Variants in HSD17B4 observed in about 807,000 individuals in gnomAD.
HSD17B4 encodes the protein peroxisomal multifunctional enzyme type 2.
Under a neutral mutation model 101.0 loss-of-function variants are expected in HSD17B4, and 70 were observed. The observed-to-expected ratio is 0.69, with a 90% CI of 0.57 to 0.85. The LOEUF (loss-of-function observed/expected upper bound fraction) is 0.85, where lower values mean the gene tolerates loss of function less well. Ranked by LOEUF, HSD17B4 falls within the 40% of genes least tolerant of loss-of-function variation. The pLI is 0.00. For missense variants in HSD17B4, 984 were observed against 892.4 expected (o/e 1.10, Z -1.31); for synonymous variants, 347 against 297.1 (o/e 1.17, Z -1.73).
At chr5:119,495,128 T>A (rs1750512464) in intron 11 of HSD17B4, among the ~76,000 whole-genome samples, 1 of 152,096 alleles carries the variant, frequency 6.6e-6, no homozygotes, top group Non-Finnish European at 1.5e-5. Context: ...GATGATAACA[T>A]GATTGTTATG....
chr5:119,526,952 G>A (rs1479385264), intron 19 of HSD17B4, among the ~76,000 whole-genome samples, 181 bp from the exon 20 acceptor site: 1 of 151,686 alleles, frequency 6.6e-6, no homozygotes, highest in Non-Finnish European at 1.5e-5. Context: ...ACTTATATTA[G>A]TTACATCTTT....
Position 119,539,463 on chromosome 5 carries a change from T to C in HSD17B4, c.2122-2442T>C, listed in dbSNP as rs1292008184. Reference sequence around the variant, plus strand: ...TGGGGGAGGGGGGGAGGGATAGCATTAGGAGATATACCTAATGCTAAATGA... The same window carrying C: ...TGGGGGAGGGGGGGAGGGATAGCATCAGGAGATATACCTAATGCTAAATGA... On this transcript the variant is annotated intron_variant, in intron 23 of 23. Coordinates refer to ENST00000510025, the MANE Select transcript of HSD17B4 (RefSeq NM_000414.4). 2.6e-5 allele frequency among the ~76,000 whole-genome samples: 4 copies of C among 151,236 alleles called. No individual in the cohort carries two copies. In the East Asian group the frequency reaches 5.9e-4, roughly 22 times the overall value.
At chr5:119,456,129 G>A (rs1165240985) in intron 1 of HSD17B4, among the ~76,000 whole-genome samples, 186 bp from the exon 2 acceptor site, 1 of 152,140 alleles carries the variant, frequency 6.6e-6, no homozygotes, top group East Asian at 1.9e-4. Context: ...ACAGTTTTAA[G>A]CTTTCCAGCC....
chr5:119,461,984 A>G (rs1163921647), intron 2 of HSD17B4, among the ~76,000 whole-genome samples: 3 of 152,190 alleles, frequency 2.0e-5, no homozygotes, highest in African/African-American at 4.8e-5. Flanking sequence ...TCTGTAGTTA[A>G]TAGACTGTCC....
intron 22 of HSD17B4, among the ~76,000 whole-genome samples, chr5:119,534,653 G>A (rs1754389606): frequency 6.6e-6 from 1 of 152,044 alleles, no homozygotes; most frequent in Admixed American, 6.6e-5. Context: ...AAGGGTGTTG[G>A]TTCCAAACAT....
chr5:119,492,159 A>T, intron 10 of HSD17B4, 35 bp downstream of exon 10: 1 of 1,532,490 alleles, frequency 6.5e-7, no homozygotes, highest in Non-Finnish European at 9.0e-7. Context: ...TGTATAGATT[A>T]TTTCCTTATC....
chr5:119,455,410 G>A (rs531022342), intron 1 of HSD17B4, among the ~76,000 whole-genome samples: 2 of 152,028 alleles, frequency 1.3e-5, no homozygotes, highest in Admixed American at 1.3e-4. Flanking sequence ...CCAGCTACTC[G>A]CGAGGCTGAG....
chr5:119,477,537 A>T, intron 7 of HSD17B4, 36 bp downstream of exon 7: 1 of 1,400,588 alleles, frequency 7.1e-7, no homozygotes, highest in South Asian at 1.2e-5. Flanking sequence ...GGGATTTAAG[A>T]TGTTGTGTCT....
In HSD17B4 at chr5:119,529,954, G is replaced by C. The variant is rs371117702; in HGVS notation, c.1828G>C (p.Gly610Arg). 1 of 1,608,040 alleles carries C rather than the reference G, an allele frequency of 6.2e-7. No homozygotes were observed. The change falls in exon 21 of 24, where the codon GGT (glycine) becomes CGT (arginine). Residue 610 changes from glycine to arginine, a missense_variant. Physicochemically the swap from Gly to Arg is moderately radical, Grantham distance 125. Transcript: ENST00000510025. Reference sequence around the variant, plus strand: ...ATATGTGGATCTTGCACCAACATCTGGTACTTCAGCTAAGACACCCTCTGA... The same window carrying C: ...ATATGTGGATCTTGCACCAACATCTCGTACTTCAGCTAAGACACCCTCTGA... ...NAYVDLAPTSGTSAKTPSEGG... is the reference protein window; with the variant it reads ...NAYVDLAPTSRTSAKTPSEGG...
At chr5:119,532,438 G>C (rs3912770) in intron 22 of HSD17B4, among the ~76,000 whole-genome samples, 1 of 151,984 alleles carries the variant, frequency 6.6e-6, no homozygotes, top group Non-Finnish European at 1.5e-5. Flanking sequence ...AAGCCATGTA[G>C]AAAGCATAGT....
chr5:119,500,082 A>ATC (rs1751020916), intron 13 of HSD17B4, among the ~76,000 whole-genome samples: 1 of 152,274 alleles, frequency 6.6e-6, no homozygotes, highest in Middle Eastern at 3.4e-3. Context: ...ATGTGAAGCC[A>ATC]TTTGTTGATC....
At chr5:119,541,710 T>C (rs1284836004) in intron 23 of HSD17B4, among the ~76,000 whole-genome samples, 195 bp from the exon 24 acceptor site, 1 of 148,982 alleles carries the variant, frequency 6.7e-6, no homozygotes, top group Non-Finnish European at 1.5e-5. Context: ...ACAGGAATGA[T>C]TTTTCTTTTT....
At position 119,505,534 on chromosome 5, in the gene HSD17B4, C is replaced by A. The variant is rs942504939; in HGVS notation, c.1262-1284C>A. Among the ~76,000 whole-genome samples the A allele has an allele frequency of 4.6e-5, 7 of 152,000 alleles. No individual in the cohort carries two copies. In the South Asian group the frequency reaches 1.5e-3, roughly 32 times the overall value. ...AAATGAGATTGCATTCTTAATTTGG[C>A]TCTCAGCTTGAATATTGTTGGTGTA... On this transcript the variant is annotated intron_variant, in intron 14 of 23. Coordinates refer to ENST00000510025, the MANE Select transcript of HSD17B4 (RefSeq NM_000414.4).
chr5:119,466,913 T>C (rs182724404), intron 2 of HSD17B4, among the ~76,000 whole-genome samples: 1 of 152,316 alleles, frequency 6.6e-6, no homozygotes, highest in African/African-American at 2.4e-5. Context: ...TAGGCATTTA[T>C]TGCTATAGGC....
chr5:119,487,074 T>C (rs1350413251), intron 8 of HSD17B4, among the ~76,000 whole-genome samples: 1 of 152,118 alleles, frequency 6.6e-6, no homozygotes, highest in Non-Finnish European at 1.5e-5. Flanking sequence ...TTTGTTCTGC[T>C]TCAGTCTTCC....
chr5:119,459,484 A>G (rs1242321457), intron 2 of HSD17B4, among the ~76,000 whole-genome samples: 3 of 152,212 alleles, frequency 2.0e-5, no homozygotes, highest in African/African-American at 4.8e-5. Flanking sequence ...TTTCTCCTAG[A>G]TGCTTAAAGG....
At chr5:119,477,077 T>TG (rs1177007865) in intron 6 of HSD17B4, among the ~76,000 whole-genome samples, 1 of 152,186 alleles carries the variant, frequency 6.6e-6, no homozygotes, top group African/African-American at 2.4e-5. Context: ...ATGTTAGTGT[T>TG]GGGTGCCAGT....
chr5:119,476,302 C>A (rs977657733), intron 6 of HSD17B4: 1 of 155,378 alleles, frequency 6.4e-6, no homozygotes, highest in African/African-American at 2.4e-5. Context: ...AGGACAAAAC[C>A]TGGATATAAT....
intron 2 of HSD17B4, among the ~76,000 whole-genome samples, chr5:119,461,834 A>G (rs1755271711): frequency 6.6e-6 from 1 of 152,096 alleles, no homozygotes; most frequent in Admixed American, 6.6e-5. Flanking sequence ...TCAATGAGCT[A>G]TCATTGTGTC....
Sources: gnomAD v4.1 joint callset for allele counts (sites outside exome capture counted in the v4.1 genomes callset) on GRCh38, gnomAD v4.1.1 for gene constraint, MANE v1.5 for transcripts, NCBI Gene and HGNC (gene_info 2026-07-23, HGNC 2026-07-21) for gene names.